The following ALCAM variants were observed in gnomAD, a reference collection of about 807,000 sequenced individuals.
The protein encoded by ALCAM is activated leukocyte cell adhesion molecule, also known as CD166 antigen.
Under a neutral mutation model 70.9 loss-of-function variants are expected in ALCAM, and 30 were observed. That is an observed-to-expected ratio of 0.42 (90% CI 0.32 to 0.57). ALCAM has a LOEUF of 0.57. Among genes scored for constraint, ALCAM ranks in the 20% least tolerant of loss-of-function variants. The pLI is 0.11. For synonymous variants in ALCAM, 249 were observed against 242.5 expected (o/e 1.03, Z -0.25); for missense variants, 591 against 695.1 (o/e 0.85, Z 1.68).
chr3:105,559,314 A>G (rs1940584887), intron 14 of ALCAM, among the ~76,000 whole-genome samples: 1 of 148,064 alleles, frequency 6.8e-6, no homozygotes, highest in African/African-American at 2.5e-5. Flanking sequence ...ATATATACAC[A>G]TATATGTAAT....
chr3:105,397,731 AT>A (rs1397622318), intron 1 of ALCAM, among the ~76,000 whole-genome samples: 1 of 152,098 alleles, frequency 6.6e-6, no homozygotes. Context: ...TCCAAATATA[AT>A]TTGACTAAAT....
intron 1 of ALCAM, among the ~76,000 whole-genome samples, chr3:105,434,984 A>G (rs1343008595): frequency 6.6e-6 from 1 of 152,172 alleles, no homozygotes; most frequent in Non-Finnish European, 1.5e-5. Flanking sequence ...TATGAAAATA[A>G]GTAAAATCAT....
At chr3:105,464,029 A>G (rs1043555649) in intron 1 of ALCAM, among the ~76,000 whole-genome samples, 4 of 151,462 alleles carry the variant, frequency 2.6e-5, no homozygotes, top group South Asian at 2.1e-4. Context: ...TTTAGTGACT[A>G]TGAAATAACT....
intron 1 of ALCAM, among the ~76,000 whole-genome samples, chr3:105,505,935 A>C (rs938861947): frequency 2.6e-5 from 4 of 152,160 alleles, no homozygotes; most frequent in Non-Finnish European, 5.9e-5. Context: ...ACAAATAGAA[A>C]ATTTCCATAA....
At chr3:105,554,615 G>A (rs1402727205) in intron 14 of ALCAM, among the ~76,000 whole-genome samples, 1 of 151,888 alleles carries the variant, frequency 6.6e-6, no homozygotes, top group African/African-American at 2.4e-5. Flanking sequence ...TTTTCTCAAT[G>A]AACATTTTAC....
chr3:105,455,183 T>C (rs1288146981), intron 1 of ALCAM, among the ~76,000 whole-genome samples: 1 of 152,100 alleles, frequency 6.6e-6, no homozygotes, highest in Non-Finnish European at 1.5e-5. Context: ...GGCTCAAGTC[T>C]GTAATCCCAG....
intron 1 of ALCAM, among the ~76,000 whole-genome samples, chr3:105,477,745 G>A (rs1162208818): frequency 6.6e-6 from 1 of 151,896 alleles, no homozygotes; most frequent in Non-Finnish European, 1.5e-5. Context: ...TCAATGCTCA[G>A]CTTCCTGAAG....
At chr3:105,433,619 C>A (rs1936985472) in intron 1 of ALCAM, among the ~76,000 whole-genome samples, 1 of 151,480 alleles carries the variant, frequency 6.6e-6, no homozygotes, top group Non-Finnish European at 1.5e-5. Context: ...CAAAAATAGT[C>A]CTCCTGGGTC....
chr3:105,543,667 C>T (rs1336224303), intron 8 of ALCAM, among the ~76,000 whole-genome samples: 1 of 151,572 alleles, frequency 6.6e-6, no homozygotes, highest in Non-Finnish European at 1.5e-5. Flanking sequence ...GTTTCCCTGC[C>T]AATATATGCA....
chr3:105,531,656 G>A (rs566309533), intron 3 of ALCAM, among the ~76,000 whole-genome samples: 1 of 151,968 alleles, frequency 6.6e-6, no homozygotes, highest in African/African-American at 2.4e-5. Flanking sequence ...TTACTGATAA[G>A]TAAGAAGTGC....
intron 1 of ALCAM, among the ~76,000 whole-genome samples, chr3:105,474,381 G>C (rs888778163): frequency 6.6e-6 from 1 of 151,710 alleles, no homozygotes; most frequent in Non-Finnish European, 1.5e-5. Context: ...TCTTAGACTA[G>C]ATTGAGGTTT....
chr3:105,430,719 A>T (rs1296164962), intron 1 of ALCAM, among the ~76,000 whole-genome samples: 2 of 152,092 alleles, frequency 1.3e-5, no homozygotes, highest in African/African-American at 4.8e-5. Flanking sequence ...CTCATGTTCC[A>T]GAAGCTGCTT....
chr3:105,457,649 T>C (rs747841739), intron 1 of ALCAM, among the ~76,000 whole-genome samples: 1 of 152,108 alleles, frequency 6.6e-6, no homozygotes, highest in Non-Finnish European at 1.5e-5. Flanking sequence ...GGGACGATAT[T>C]AGTACACAAA....
chr3:105,445,711 C>T (rs1485941512), intron 1 of ALCAM, among the ~76,000 whole-genome samples: 1 of 152,028 alleles, frequency 6.6e-6, no homozygotes, highest in Non-Finnish European at 1.5e-5. Context: ...AACAAAGGTG[C>T]CAAGTATACA....
intron 1 of ALCAM, among the ~76,000 whole-genome samples, chr3:105,462,826 G>C (rs572649750): frequency 6.6e-6 from 1 of 151,532 alleles, no homozygotes; most frequent in South Asian, 2.1e-4. Context: ...TCATTGCATA[G>C]TGACATTCTG....
intron 1 of ALCAM, among the ~76,000 whole-genome samples, chr3:105,518,336 G>A (rs1355996775): frequency 5.9e-5 from 9 of 152,066 alleles, no homozygotes; most frequent in African/African-American, 2.2e-4. Context: ...CTTGTTATAA[G>A]CTGATGAAAA....
intron 7 of ALCAM, among the ~76,000 whole-genome samples, chr3:105,541,104 TTTC>T (rs145426784): frequency 0.13 from 17,992 of 142,288 alleles, 1,411 homozygotes; most frequent in Non-Finnish European, 0.18. Flanking sequence ...CTAGTCTTAA[TTTC>T]TTAATTTCTT....
intron 1 of ALCAM, among the ~76,000 whole-genome samples, chr3:105,482,361 C>G (rs1310552131): frequency 6.6e-6 from 1 of 152,112 alleles, no homozygotes; most frequent in East Asian, 1.9e-4. Context: ...ATCTGCATAA[C>G]TTGGACTCCA....
chr3:105,479,707 A>AT (rs1413571703), intron 1 of ALCAM, among the ~76,000 whole-genome samples: 3 of 152,304 alleles, frequency 2.0e-5, no homozygotes, highest in African/African-American at 7.2e-5. Context: ...GCATGCCTTC[A>AT]TGCAACTTGC....
Sources: gnomAD v4.1 joint callset for allele counts (sites outside exome capture counted in the v4.1 genomes callset) on GRCh38, gnomAD v4.1.1 for gene constraint, MANE v1.5 for transcripts, NCBI Gene and HGNC (gene_info 2026-07-23, HGNC 2026-07-21) for gene names.